DHX40: variants seen among roughly 807,000 people sequenced by gnomAD.
DHX40 encodes the protein probable ATP-dependent RNA helicase DHX40.
Under a neutral mutation model 89.6 loss-of-function variants are expected in DHX40, and 28 were observed. The observed-to-expected ratio is 0.31, with a 90% confidence interval of 0.23 to 0.43. The LOEUF is 0.43. Ranked by LOEUF, DHX40 falls within the 20% of genes least tolerant of loss-of-function variation. DHX40 has a pLI of 1.00. For synonymous variants in DHX40, 226 were observed against 283.6 expected (o/e 0.80, Z 2.04); for missense variants, 457 against 844.0 (o/e 0.54, Z 5.68).
intron 14 of DHX40, among the ~76,000 whole-genome samples, chr17:59,601,694 C>T (rs146789336): frequency 1.3e-3 from 200 of 152,182 alleles, no homozygotes; most frequent in Admixed American, 1.9e-3. Context: ...TTACATCATA[C>T]CTGATAATTT....
At chr17:59,576,103 C>T (rs920672733) in intron 7 of DHX40, among the ~76,000 whole-genome samples, 1 of 147,460 alleles carries the variant, frequency 6.8e-6, no homozygotes, top group African/African-American at 2.5e-5. Context: ...GGGATTTTGC[C>T]ATGTTGGCCA....
At chr17:59,591,212 G>A (rs542562217) in intron 12 of DHX40, among the ~76,000 whole-genome samples, 76 of 150,800 alleles carry the variant, frequency 5.0e-4, no homozygotes, top group African/African-American at 1.8e-3. Flanking sequence ...AGGCTGAGGC[G>A]GAGAATTGCT....
At chr17:59,588,242 C>CAAAAAAAAA (rs1198855530) in intron 12 of DHX40, among the ~76,000 whole-genome samples, 189 bp downstream of exon 12, 6 of 136,638 alleles carry the variant, frequency 4.4e-5, no homozygotes, top group African/African-American at 1.2e-4. Context: ...AAAAAAAAAA[C>CAAAAAAAAA]CAAAAACAAA....
Position 59,607,080 on chromosome 17 carries a change from G to C in DHX40, c.2248G>C (p.Asp750His). Residue 750 changes from aspartate (D) to histidine (H), a missense_variant, in exon 18 of 18, where the codon GAC (aspartate) becomes CAC (histidine). By Grantham distance (81) the Asp-to-His change is moderately conservative. Coordinates refer to ENST00000251241, the MANE Select transcript of DHX40 (RefSeq NM_024612.5). Reference sequence around the variant, plus strand: ...AAAGAAAATGCAAAGAAGAAATGATGACAAATCCATATCTGATGCACGGGC... The same window carrying C: ...AAAGAAAATGCAAAGAAGAAATGATCACAAATCCATATCTGATGCACGGGC... ...VLKKMQRRNDDKSISDARARF... is the reference protein window; with the variant it reads ...VLKKMQRRNDHKSISDARARF... 1 of 1,614,112 alleles carries C rather than the reference G, an allele frequency of 6.2e-7. No individual in the cohort carries two copies.
At position 59,605,170 on chromosome 17, in the gene DHX40, C is replaced by T; in HGVS notation, c.1957C>T (p.His653Tyr). 1 of 1,614,062 alleles carries T rather than the reference C, an allele frequency of 6.2e-7. No individual in the cohort carries two copies. The highest frequency in any genetic ancestry group is 8.5e-7 in the Non-Finnish European group (1 of 1,179,976). The change falls in exon 16 of 18, where the codon CAT becomes TAT. Residue 653 changes from histidine (H) to tyrosine (Y), a missense_variant. By Grantham distance (83) the His-to-Tyr change is moderately conservative (BLOSUM62 2). Coordinates refer to ENST00000251241, the MANE Select transcript of DHX40 (RefSeq NM_024612.5). Reference sequence around the variant, plus strand: ...TGGTCGTGGAAGCCCAGTTCACATTCATCCTTCCTCAGCAGTAAGTACTTC... The same window carrying T: ...TGGTCGTGGAAGCCCAGTTCACATTTATCCTTCCTCAGCAGTAAGTACTTC... ...MDGRGSPVHIHPSSALHEQET... is the reference protein window; with the variant it reads ...MDGRGSPVHIYPSSALHEQET...
intron 2 of DHX40, 150 bp from the exon 3 acceptor site, chr17:59,570,368 T>C: frequency 2.2e-6 from 1 of 447,212 alleles, no homozygotes; most frequent in Non-Finnish European, 3.6e-6. Flanking sequence ...TAAATTTCCA[T>C]GATGCAAACA....
chr17:59,596,341 C>T (rs1268317836), intron 12 of DHX40, among the ~76,000 whole-genome samples: 2 of 152,200 alleles, frequency 1.3e-5, no homozygotes, highest in Non-Finnish European at 2.9e-5. Context: ...CCAGGGCGGG[C>T]GGATCACCTG....
In DHX40 at chr17:59,570,104, T is replaced by G. The variant is rs549487324; in HGVS notation, c.281-414T>G. 2.6e-3 allele frequency among the ~76,000 whole-genome samples: 336 copies of G among 127,850 alleles called. 1 individual carries two copies. Among genetic ancestry groups the G allele is most frequent in the African/African-American group, 9.8e-3 (326 of 33,114 alleles). The allele number at this position is 127,850 out of a possible 152,430, so 83.9% of individuals were successfully genotyped here. ...TTTATATATAATATATAGTATATATTATAATATATTATAATGTATATTTAT... is the reference window on the plus strand; with the variant it reads ...TTTATATATAATATATAGTATATATGATAATATATTATAATGTATATTTAT... On this transcript the variant is annotated intron_variant, in intron 2 of 17. Coordinates refer to ENST00000251241, the MANE Select transcript of DHX40 (RefSeq NM_024612.5).
chr17:59,586,353 C>G (rs1220208226), intron 11 of DHX40, 120 bp downstream of exon 11: 3 of 921,800 alleles, frequency 3.3e-6, no homozygotes, highest in Admixed American at 5.6e-5. Flanking sequence ...GATTGTTAGT[C>G]TTTCATCACA....
intron 1 of DHX40, among the ~76,000 whole-genome samples, 187 bp from the exon 2 acceptor site, chr17:59,566,440 G>A (rs2048706136): frequency 1.3e-5 from 2 of 152,234 alleles, no homozygotes; most frequent in South Asian, 4.1e-4. Flanking sequence ...AGTTGTTCTG[G>A]GCTCATTAAC....
intron 11 of DHX40, among the ~76,000 whole-genome samples, chr17:59,586,879 C>T (rs1277634066): frequency 3.9e-5 from 6 of 151,936 alleles, no homozygotes; most frequent in South Asian, 4.1e-4. Flanking sequence ...CTTGGATGTG[C>T]GTGGTGGCTC....
Position 59,605,630 on chromosome 17 carries a change from C to G in DHX40, c.2156C>G (p.Ala719Gly), listed in dbSNP as rs529784000. 4 of 1,613,820 alleles carry G rather than the reference C, an allele frequency of 2.5e-6. No homozygotes were observed. The highest frequency in any genetic ancestry group is 3.4e-6 in the Non-Finnish European group (4 of 1,179,958). Residue 719 changes from alanine (A) to glycine (G), a missense_variant, in exon 17 of 18, where the codon GCA (alanine) becomes GGA (glycine). Ala to Gly is a moderately conservative substitution (Grantham distance 60, BLOSUM62 0). Transcript: ENST00000251241. ...GCCCGACGTGAAGTGAGAGAAGATG[C>G]AAGAAGGAGATGGACAAATAAGGAA... ...SVARREVRED[A>G]RRRWTNKENV...
intron 6 of DHX40, among the ~76,000 whole-genome samples, 185 bp downstream of exon 6, chr17:59,574,439 A>C (rs2048852185): frequency 6.6e-6 from 1 of 151,106 alleles, no homozygotes; most frequent in Non-Finnish European, 1.5e-5. Context: ...GCCAAAGAGG[A>C]TTATATATAT....
chr17:59,599,583 A>AC (rs1404493025), intron 14 of DHX40, 100 bp downstream of exon 14: 1 of 833,350 alleles, frequency 1.2e-6, no homozygotes, highest in African/African-American at 1.7e-5. Flanking sequence ...CTATTCTACC[A>AC]CCCTTCCATT....
intron 4 of DHX40, 47 bp from the exon 5 acceptor site, chr17:59,573,693 G>C (rs780186605): frequency 5.1e-5 from 80 of 1,582,072 alleles, no homozygotes; most frequent in Non-Finnish European, 5.3e-5. Flanking sequence ...AAATAGTTTG[G>C]CTGTTAAGTG....
In DHX40 at chr17:59,565,757, T is replaced by C; in HGVS notation, c.86T>C (p.Leu29Pro). 2 of 1,604,612 alleles carry C rather than the reference T, an allele frequency of 1.2e-6. No homozygotes were observed. The highest frequency in any genetic ancestry group is 1.7e-6 in the Non-Finnish European group (2 of 1,179,118). The change falls in exon 1 of 18, where the codon CTC becomes CCC. Residue 29 changes from leucine (L) to proline (P), a missense_variant. Leu to Pro is a moderately conservative substitution (Grantham distance 98). Transcript: ENST00000251241. The part of the protein sequence containing the change: ...ERSRDLQEER[L>P]SAVCIADREE... ...TCAAGAGACCTCCAGGAAGAGCGGCTCTCGGCTGTTTGCATCGCCGATAGA... is the reference window on the plus strand; with the variant it reads ...TCAAGAGACCTCCAGGAAGAGCGGCCCTCGGCTGTTTGCATCGCCGATAGA...
intron 15 of DHX40, chr17:59,603,922 C>T (rs1164328178): frequency 6.6e-6 from 1 of 152,144 alleles, no homozygotes; most frequent in African/African-American, 2.4e-5. Flanking sequence ...CAAACTCAAA[C>T]TGAGGGACAT....
At chr17:59,602,661 A>C in intron 15 of DHX40, 45 bp downstream of exon 15, 3 of 1,456,550 alleles carry the variant, frequency 2.1e-6, no homozygotes, top group Non-Finnish European at 2.9e-6. Context: ...ATAATACTGT[A>C]TTTGACTATA....
In DHX40 at chr17:59,570,506, TG is replaced by T. The variant is rs1019261511; in HGVS notation, c.281-10del. Reference sequence around the variant, plus strand: ...TAACATTGTTGTGTTTCTTTATCTCTGGTTTTGATAGGGTTTTCACAACATG... The same window carrying T: ...TAACATTGTTGTGTTTCTTTATCTCTGTTTTGATAGGGTTTTCACAACATG... On this transcript the variant is annotated splice_polypyrimidine_tract_variant and intron_variant, in intron 2 of 17. Coordinates refer to ENST00000251241, the MANE Select transcript of DHX40 (RefSeq NM_024612.5). The T allele has an allele frequency of 2.1e-5, 33 of 1,583,074 alleles. No individual in the cohort carries two copies. The highest frequency in any genetic ancestry group is 2.6e-5 in the Non-Finnish European group (30 of 1,165,410).
Sources: allele counts gnomAD v4.1 joint callset (sites outside exome capture counted in the v4.1 genomes callset), GRCh38; gene constraint gnomAD v4.1.1; transcripts MANE v1.5; gene names NCBI Gene and HGNC (gene_info 2026-07-23, HGNC 2026-07-21).